The following RALGPS1 variants were observed in gnomAD, a reference collection of about 807,000 sequenced individuals.
RALGPS1 encodes Ral GEF with PH domain and SH3 binding motif 1.
RALGPS1 carries 19 observed loss-of-function variants against 78.8 expected under a neutral mutation model. That is an observed-to-expected ratio of 0.24 (90% CI 0.17 to 0.35). RALGPS1 has a LOEUF of 0.35. Ranked by LOEUF, RALGPS1 falls within the 10% of genes least tolerant of loss-of-function variation. The pLI, the probability that RALGPS1 is intolerant of heterozygous loss-of-function variation, is 1.00. For synonymous variants in RALGPS1, 228 were observed against 256.3 expected, an observed-to-expected ratio of 0.89 and a Z score of 1.06; for missense variants, 454 against 688.3, an observed-to-expected ratio of 0.66 and a Z score of 3.81.
intron 4 of RALGPS1, among the ~76,000 whole-genome samples, chr9:126,999,023 T>G (rs1313857317): frequency 2.9e-4 from 27 of 93,892 alleles, no homozygotes; most frequent in Admixed American, 4.6e-4. Context: ...TGTTGTTGGG[T>G]GGGGGAGGGG....
At position 127,213,008 on chromosome 9, in the gene RALGPS1, C is replaced by T; in HGVS notation, c.1511C>T (p.Pro504Leu). 6.2e-7 allele frequency: 1 copy of T among 1,614,216 alleles called. No individual in the cohort carries two copies. Among genetic ancestry groups the T allele is most frequent in the Non-Finnish European group, 8.5e-7 (1 of 1,180,040 alleles). ...TGGATGGTGCAGCTGCCCGATGACC[C>T]CGAGCACCCAGATATCTTCCAGCTG... ...VGWMVQLPDD[P>L]EHPDIFQLNN... is the part of the protein sequence containing the mutation. Residue 504 changes from proline to leucine, a missense_variant, in exon 17 of 19, where the codon CCC becomes CTC. Coordinates refer to ENST00000259351, the MANE Select transcript of RALGPS1 (RefSeq NM_014636.3).
chr9:127,167,148 T>C (rs1425424945), intron 9 of RALGPS1, among the ~76,000 whole-genome samples: 1 of 152,168 alleles, frequency 6.6e-6, no homozygotes, highest in African/African-American at 2.4e-5. Context: ...CTAGCCTCAC[T>C]TGCTGTGCGT....
intron 7 of RALGPS1, among the ~76,000 whole-genome samples, chr9:127,068,572 A>G (rs974461044): frequency 6.6e-6 from 1 of 152,178 alleles, no homozygotes; most frequent in Non-Finnish European, 1.5e-5. Flanking sequence ...GACAATGACA[A>G]GATTGAAGCT....
chr9:126,921,067 C>T (rs1164264711), intron 1 of RALGPS1, among the ~76,000 whole-genome samples: 7 of 152,218 alleles, frequency 4.6e-5, no homozygotes. Context: ...AGCACAGTGC[C>T]TGCTGGGAAG....
At chr9:127,075,783 C>CTTTA (rs989094138) in intron 8 of RALGPS1, among the ~76,000 whole-genome samples, 6 of 152,336 alleles carry the variant, frequency 3.9e-5, no homozygotes, top group African/African-American at 1.2e-4. Context: ...CAATTATGGG[C>CTTTA]TTTATTTTTG....
intron 8 of RALGPS1, among the ~76,000 whole-genome samples, chr9:127,146,001 G>C (rs35509632): frequency 1.3e-5 from 2 of 152,156 alleles, no homozygotes; most frequent in African/African-American, 4.8e-5. Context: ...AGCAGGAATC[G>C]TATTGGTTTT....
intron 1 of RALGPS1, among the ~76,000 whole-genome samples, chr9:126,925,614 A>G (rs1158558135): frequency 6.6e-6 from 1 of 152,240 alleles, no homozygotes; most frequent in Non-Finnish European, 1.5e-5. Context: ...GATACTCAGA[A>G]GGCTAAGGCA....
At chr9:127,036,724 G>A (rs1431394324) in intron 5 of RALGPS1, among the ~76,000 whole-genome samples, 1 of 152,144 alleles carries the variant, frequency 6.6e-6, no homozygotes, top group Non-Finnish European at 1.5e-5. Flanking sequence ...GTTCACTAAA[G>A]GTCTTTTATG....
At chr9:127,056,578 T>C (rs1241160619) in intron 7 of RALGPS1, among the ~76,000 whole-genome samples, 1 of 152,190 alleles carries the variant, frequency 6.6e-6, no homozygotes, top group African/African-American at 2.4e-5. Flanking sequence ...ATCATCTTTT[T>C]CTTTCATCCA....
At chr9:127,056,146 G>A (rs1645844716) in intron 7 of RALGPS1, among the ~76,000 whole-genome samples, 1 of 152,230 alleles carries the variant, frequency 6.6e-6, no homozygotes, top group African/African-American at 2.4e-5. Flanking sequence ...AGCTGGTGGG[G>A]AAGAGGAAGA....
At chr9:127,142,654 T>C (rs1385780020) in intron 8 of RALGPS1, among the ~76,000 whole-genome samples, 2 of 152,226 alleles carry the variant, frequency 1.3e-5, no homozygotes, top group Admixed American at 6.5e-5. Context: ...TTTTACTTGC[T>C]GCTGGCTCAG....
At position 127,218,955 on chromosome 9, in the gene RALGPS1, T is replaced by C; in HGVS notation, c.*186T>C. 1.5e-6 allele frequency: 1 copy of C among 666,222 alleles called. No homozygotes were observed. Among genetic ancestry groups the C allele is most frequent in the Non-Finnish European group, 2.7e-6 (1 of 376,814 alleles). The allele number at this position is 666,222 out of a possible 1,614,324, so 41.3% of individuals were successfully genotyped here. A position where few individuals can be genotyped will look rare whatever the true frequency, so the allele number is the denominator to read the frequency against. On this transcript the variant is annotated 3_prime_UTR_variant, in exon 19 of 19. Coordinates refer to ENST00000259351, the MANE Select transcript of RALGPS1 (RefSeq NM_014636.3). The surrounding 1 kb of genome is among the most constrained non-coding windows in gnomAD (Gnocchi z 4.4). ...CACCAGTGTGGGATCCACCTGTCAGTCCCCAGCGACTCTCATGACACTCAT... is the reference window on the plus strand; with the variant it reads ...CACCAGTGTGGGATCCACCTGTCAGCCCCCAGCGACTCTCATGACACTCAT...
chr9:127,125,275 C>T (rs2056524757), intron 8 of RALGPS1, among the ~76,000 whole-genome samples: 1 of 152,232 alleles, frequency 6.6e-6, no homozygotes, highest in Admixed American at 6.5e-5. Flanking sequence ...TGTGAGTCCC[C>T]TGAGGCAGGG....
At chr9:126,954,879 A>G (rs896416205) in intron 1 of RALGPS1, among the ~76,000 whole-genome samples, 3 of 152,214 alleles carry the variant, frequency 2.0e-5, no homozygotes, top group African/African-American at 7.2e-5. Context: ...ACCATGGCCT[A>G]CAAGGCCATT....
chr9:127,098,018 G>C (rs2053324845), intron 8 of RALGPS1, among the ~76,000 whole-genome samples: 1 of 152,166 alleles, frequency 6.6e-6, no homozygotes, highest in Admixed American at 6.5e-5. Flanking sequence ...ATCCCTTTCT[G>C]TTTCCTTTGA....
chr9:127,027,964 C>T (rs1355734211), intron 4 of RALGPS1, among the ~76,000 whole-genome samples: 1 of 152,216 alleles, frequency 6.6e-6, no homozygotes, highest in Admixed American at 6.5e-5. Flanking sequence ...GTCCCCTAGC[C>T]CAGAGTCTAG....
At chr9:127,127,378 C>T (rs1168396771) in intron 8 of RALGPS1, among the ~76,000 whole-genome samples, 2 of 152,210 alleles carry the variant, frequency 1.3e-5, no homozygotes, top group Non-Finnish European at 2.9e-5. Context: ...CAGTCCACTC[C>T]TCCATTTCAG....
Position 127,050,086 on chromosome 9 carries a change from T to A in RALGPS1, c.344T>A (p.Leu115Ter). 1 of 1,614,104 alleles carries A rather than the reference T, an allele frequency of 6.2e-7. No individual in the cohort carries two copies. The highest frequency in any genetic ancestry group is 8.5e-7 in the Non-Finnish European group (1 of 1,179,914). ...CGAGAAATTCTAACAGCACAGACTT[T>A]AAAAATAAGGGCAGAAATCCTCAGC... ...VVREILTAQT[L>*]KIRAEILSHF... The change falls in exon 6 of 19, where the codon TTA becomes TAA. Residue 115 changes from leucine to a stop codon, truncating the protein, a stop_gained. Transcript: ENST00000259351. LOFTEE classifies it high-confidence loss of function.
At chr9:127,105,150 G>T (rs2054099372) in intron 8 of RALGPS1, among the ~76,000 whole-genome samples, 1 of 152,220 alleles carries the variant, frequency 6.6e-6, no homozygotes, top group Admixed American at 6.5e-5. Flanking sequence ...TGGGAGCTCA[G>T]TGGTGAGATG....
Sources: gnomAD v4.1 joint callset for allele counts (sites outside exome capture counted in the v4.1 genomes callset) on GRCh38, gnomAD v4.1.1 for gene constraint, Gnocchi (gnomAD v3.1) non-coding constraint, MANE v1.5 for transcripts, NCBI Gene and HGNC (gene_info 2026-07-23, HGNC 2026-07-21) for gene names.